Variants in HECTD4 observed in about 807,000 individuals in gnomAD.
HECTD4 encodes HECT domain E3 ubiquitin protein ligase 4.
HECTD4 carries 114 observed loss-of-function variants against 471.5 expected under a neutral mutation model. The ratio of observed to expected loss-of-function variants is 0.24; its 90% confidence interval spans 0.21 to 0.28. The LOEUF (loss-of-function observed/expected upper bound fraction) is 0.28, where lower values mean the gene tolerates loss of function less well. Among genes scored for constraint, HECTD4 ranks in the 10% least tolerant of loss-of-function variants. The pLI is 1.00. For synonymous variants in HECTD4, 2,012 were observed against 2,256.0 expected, an observed-to-expected ratio of 0.89 and a Z score of 3.07; for missense variants, 3,866 against 5,651.5, an observed-to-expected ratio of 0.68 and a Z score of 10.13.
chr12:112,176,540 A>AGTCTCCAGGATGGAAGTAG, intron 65 of HECTD4, 56 bp downstream of exon 65: 2 of 1,224,568 alleles, frequency 1.6e-6, no homozygotes, highest in Non-Finnish European at 2.4e-6. Flanking sequence ...GGGGGTGCCT[A>AGTCTCCAGGATGGAAGTAG]GTCTCCAGGA....
intron 6 of HECTD4, among the ~76,000 whole-genome samples, chr12:112,308,458 C>CAAAAAA: frequency 8.8e-6 from 1 of 114,280 alleles, no homozygotes; most frequent in African/African-American, 3.2e-5. Context: ...AAAAACAAAA[C>CAAAAAA]AAAAAAAAAA....
chr12:112,243,633 T>C lies in HECTD4; in HGVS notation c.4778A>G (p.Asn1593Ser), dbSNP rs537501541. 3 of 1,611,598 alleles carry C rather than the reference T, an allele frequency of 1.9e-6. No individual in the cohort carries two copies. The highest frequency in any genetic ancestry group is 2.2e-5 in the South Asian group (2 of 90,696). Residue 1593 changes from asparagine (N) to serine (S), a missense_variant, in exon 31 of 76, where the codon AAC becomes AGC. By Grantham distance (46) the Asn-to-Ser change is conservative. Coordinates refer to ENST00000682272, the MANE Select transcript of HECTD4 (RefSeq NM_001388303.1). This position sits in a 1 kb window ranked among gnomAD's most constrained non-coding sequence, Gnocchi z 6.6. ...LGQLFAFIGT[N>S]PDQAVSSSSF... ...AATGTGACGTACAGCTTGGTCAGGG[T>C]TGGTGCCGATGAAAGCAAACAGCTG...
chr12:112,315,270 C>T (rs1245585250), intron 2 of HECTD4, among the ~76,000 whole-genome samples: 8 of 152,190 alleles, frequency 5.3e-5, no homozygotes, highest in Non-Finnish European at 1.2e-4. Flanking sequence ...CTGTATCTGA[C>T]GGGCTGACTT....
At chr12:112,199,070 G>C (rs1437828703) in intron 55 of HECTD4, among the ~76,000 whole-genome samples, 2 of 151,380 alleles carry the variant, frequency 1.3e-5, no homozygotes, top group Non-Finnish European at 3.0e-5. Context: ...ACACGGGGCT[G>C]TTGAGCCGCC....
intron 7 of HECTD4, among the ~76,000 whole-genome samples, chr12:112,289,812 G>A (rs2034838176): frequency 6.6e-6 from 1 of 151,988 alleles, no homozygotes; most frequent in Admixed American, 6.6e-5. Context: ...GAGTATCTGG[G>A]ATTACAGGTG....
At chr12:112,295,437 C>T (rs1311324336) in intron 7 of HECTD4, among the ~76,000 whole-genome samples, 3 of 150,536 alleles carry the variant, frequency 2.0e-5, no homozygotes, top group Non-Finnish European at 4.4e-5. Context: ...GCAATCCTAG[C>T]TCACTACAGC....
chr12:112,288,896 C>T (rs1471574566), intron 7 of HECTD4, among the ~76,000 whole-genome samples: 2 of 152,216 alleles, frequency 1.3e-5, no homozygotes, highest in African/African-American at 4.8e-5. Context: ...TCAACCTATA[C>T]ATCATTGTTA....
At chr12:112,189,019 C>A (rs546523922) in intron 60 of HECTD4, among the ~76,000 whole-genome samples, 2 of 152,200 alleles carry the variant, frequency 1.3e-5, no homozygotes, top group Non-Finnish European at 2.9e-5. Flanking sequence ...TTACGTCCCC[C>A]CTATCCACTC....
intron 1 of HECTD4, among the ~76,000 whole-genome samples, chr12:112,336,991 G>A (rs2035969811): frequency 6.6e-6 from 1 of 152,168 alleles, no homozygotes; most frequent in African/African-American, 2.4e-5. Flanking sequence ...TTCTTGTAAT[G>A]TAAATGACAC....
chr12:112,246,613 C>T (rs772977380), intron 29 of HECTD4, among the ~76,000 whole-genome samples: 3 of 151,916 alleles, frequency 2.0e-5, no homozygotes, highest in African/African-American at 7.2e-5. Context: ...CTAGTCTGGG[C>T]GACAGAGTGA....
intron 37 of HECTD4, among the ~76,000 whole-genome samples, chr12:112,234,780 C>T (rs2135571081): frequency 6.6e-6 from 1 of 152,200 alleles, no homozygotes; most frequent in East Asian, 1.9e-4. Context: ...ACACTGGAGG[C>T]TTCCCATAGA....
intron 46 of HECTD4, 44 bp from the exon 47 acceptor site, chr12:112,216,965 T>G: frequency 6.2e-7 from 1 of 1,602,958 alleles, no homozygotes; most frequent in Non-Finnish European, 8.5e-7. Flanking sequence ...GGGCTAATCC[T>G]GGGCCTGAGA....
intron 7 of HECTD4, among the ~76,000 whole-genome samples, chr12:112,300,897 T>TC (rs2035149689): frequency 6.6e-6 from 1 of 151,946 alleles, no homozygotes; most frequent in Non-Finnish European, 1.5e-5. Context: ...TTTTTCTTTT[T>TC]TTTTTGAGAT....
intron 9 of HECTD4, 71 bp downstream of exon 9, chr12:112,279,153 ATAAT>A (rs1417923707): frequency 3.0e-6 from 4 of 1,327,392 alleles, no homozygotes; most frequent in Middle Eastern, 2.0e-4. Flanking sequence ...TAAGTTTTAA[ATAAT>A]TAATAGGAAA....
intron 49 of HECTD4, 146 bp downstream of exon 49, chr12:112,212,341 G>A: frequency 1.5e-6 from 1 of 656,234 alleles, no homozygotes; most frequent in Non-Finnish European, 2.7e-6. Context: ...ACACACACTT[G>A]CTCAAGCTGG....
At chr12:112,263,973 G>T in intron 17 of HECTD4, 111 bp downstream of exon 17, 1 of 1,049,966 alleles carries the variant, frequency 9.5e-7, no homozygotes, top group Non-Finnish European at 1.3e-6. Context: ...CCTCTCACAA[G>T]AATATAAGCC....
chr12:112,277,675 C>T (rs1323525901), intron 9 of HECTD4, among the ~76,000 whole-genome samples: 2 of 152,170 alleles, frequency 1.3e-5, no homozygotes, highest in East Asian at 1.9e-4. Context: ...TATCTTCAAG[C>T]GAGGGTGGAA....
intron 1 of HECTD4, among the ~76,000 whole-genome samples, chr12:112,350,308 C>T (rs375946805): frequency 6.6e-6 from 1 of 152,256 alleles, no homozygotes; most frequent in African/African-American, 2.4e-5. Context: ...TCAAAATAAA[C>T]GTGCCATTCT....
intron 34 of HECTD4, among the ~76,000 whole-genome samples, chr12:112,237,738 G>C (rs1331791332): frequency 6.6e-6 from 1 of 151,460 alleles, no homozygotes; most frequent in Middle Eastern, 3.2e-3. Flanking sequence ...TTGCTTATTG[G>C]TCTATTTCCC....
Sources: allele counts gnomAD v4.1 joint callset (sites outside exome capture counted in the v4.1 genomes callset), GRCh38; gene constraint gnomAD v4.1.1; non-coding constraint Gnocchi (gnomAD v3.1); transcripts MANE v1.5; gene names NCBI Gene and HGNC (gene_info 2026-07-23, HGNC 2026-07-21).